The following CUX2 variants were observed in gnomAD, a reference collection of about 807,000 sequenced individuals.
CUX2 encodes the protein homeobox protein cut-like 2.
In CUX2, 40 loss-of-function variants were observed where a neutral mutation model predicts 144.8. The ratio of observed to expected loss-of-function variants is 0.28; its 90% CI spans 0.21 to 0.36. The LOEUF (loss-of-function observed/expected upper bound fraction) is 0.36, where lower values mean the gene tolerates loss of function less well. Among genes scored for constraint, CUX2 ranks in the 10% least tolerant of loss-of-function variants. The probability of loss-of-function intolerance (pLI) is 1.00; values close to 1 mark genes in which losing one functional copy is unlikely to be tolerated. For missense variants in CUX2, 1,615 were observed against 1,994.0 expected (o/e 0.81, Z 3.62); for synonymous variants, 827 against 875.6 (o/e 0.94, Z 0.98).
chr12:111,232,880 C>A (rs906395197), intron 3 of CUX2, among the ~76,000 whole-genome samples: 3 of 152,212 alleles, frequency 2.0e-5, no homozygotes, highest in Non-Finnish European at 4.4e-5. Flanking sequence ...AAAGACGAGT[C>A]CCTCACAGAG....
At chr12:111,212,930 T>C (rs1881310057) in intron 1 of CUX2, among the ~76,000 whole-genome samples, 1 of 152,234 alleles carries the variant, frequency 6.6e-6, no homozygotes, top group African/African-American at 2.4e-5. Flanking sequence ...AATAGTACTT[T>C]TATTTCATTA....
intron 1 of CUX2, among the ~76,000 whole-genome samples, chr12:111,189,963 G>A (rs1879780517): frequency 6.6e-6 from 1 of 152,176 alleles, no homozygotes; most frequent in Non-Finnish European, 1.5e-5. Context: ...TGAGGTTCCA[G>A]TTGATCCACA....
chr12:111,258,905 A>C (rs1319019379), intron 3 of CUX2, among the ~76,000 whole-genome samples: 1 of 152,094 alleles, frequency 6.6e-6, no homozygotes, highest in Admixed American at 6.6e-5. Flanking sequence ...TCTGTTGTCC[A>C]GGCTAGAGTG....
chr12:111,103,697 A>G (rs1437551758), intron 1 of CUX2, among the ~76,000 whole-genome samples: 1 of 152,226 alleles, frequency 6.6e-6, no homozygotes, highest in Non-Finnish European at 1.5e-5. Context: ...TCTATCTGAG[A>G]GAAACTTATC....
chr12:111,332,806 G>T (rs1035558627), intron 18 of CUX2, among the ~76,000 whole-genome samples: 2 of 152,132 alleles, frequency 1.3e-5, no homozygotes, highest in African/African-American at 4.8e-5. Flanking sequence ...CCAAAAACAA[G>T]AAATTTTACA....
In CUX2 at chr12:111,322,915, A is replaced by G. The variant is rs1170251768; in HGVS notation, c.2926+335A>G. Among the ~76,000 whole-genome samples the G allele has an allele frequency of 6.6e-6, 1 of 152,216 alleles. No homozygotes were observed. Among genetic ancestry groups the G allele is most frequent in the African/African-American group, 2.4e-5 (1 of 41,466 alleles). On this transcript the variant is annotated intron_variant, in intron 18 of 21. Transcript: ENST00000261726. The surrounding 1 kb of genome is among the most constrained non-coding windows in gnomAD (Gnocchi z 4.2). Reference sequence around the variant, plus strand: ...TGGAGTCCCACATCTGGAATTGCTCATCGATCTCAGCTCTGTTTCCTGAAG... The same window carrying G: ...TGGAGTCCCACATCTGGAATTGCTCGTCGATCTCAGCTCTGTTTCCTGAAG...
At chr12:111,302,860 A>G (rs1490250020) in intron 9 of CUX2, among the ~76,000 whole-genome samples, 1 of 147,922 alleles carries the variant, frequency 6.8e-6, no homozygotes, top group Non-Finnish European at 1.5e-5. Flanking sequence ...AGATTGTGCC[A>G]CTGCACTCCA....
intron 1 of CUX2, among the ~76,000 whole-genome samples, chr12:111,170,040 A>C (rs1435512392): frequency 6.6e-6 from 1 of 152,220 alleles, no homozygotes; most frequent in Non-Finnish European, 1.5e-5. Context: ...GAAGAATTTA[A>C]GGAAACTGCC....
intron 1 of CUX2, among the ~76,000 whole-genome samples, chr12:111,197,196 C>T (rs1208484783): frequency 6.6e-6 from 1 of 152,166 alleles, no homozygotes; most frequent in East Asian, 1.9e-4. Context: ...ATATCTCTCT[C>T]GAAGGACTGC....
chr12:111,199,406 A>T (rs1156881680), intron 1 of CUX2, among the ~76,000 whole-genome samples: 6 of 152,186 alleles, frequency 3.9e-5, no homozygotes, highest in Non-Finnish European at 8.8e-5. Flanking sequence ...ATGCCCACAA[A>T]CATTATCCCC....
At chr12:111,259,693 G>A (rs537938282) in intron 3 of CUX2, among the ~76,000 whole-genome samples, 9 of 150,006 alleles carry the variant, frequency 6.0e-5, no homozygotes, top group South Asian at 2.1e-4. Flanking sequence ...TTGAAACCCC[G>A]TCTCTACTAA....
rs142469747 is a variant in CUX2, at chr12:111,156,791, A to G, written c.64-57409A>G. 1.0e-2 allele frequency among the ~76,000 whole-genome samples: 1,516 copies of G among 152,196 alleles called. 22 individuals carry two copies. Among genetic ancestry groups the G allele is most frequent in the African/African-American group, 0.035 (1,442 of 41,512 alleles). ...TCAGGAGTTCCAGACCAGCCTGACC[A>G]AAATGGTGAGACCCCATCTCTACTA... is the stretch of plus-strand genomic sequence containing the variant. On this transcript the variant is annotated intron_variant, in intron 1 of 21. Coordinates refer to ENST00000261726, the MANE Select transcript of CUX2 (RefSeq NM_015267.4).
chr12:111,155,164 C>T (rs1000729539), intron 1 of CUX2, among the ~76,000 whole-genome samples: 8 of 152,180 alleles, frequency 5.3e-5, no homozygotes, highest in African/African-American at 1.9e-4. Context: ...GACAACCTGG[C>T]CTGGCATCCC....
chr12:111,253,975 C>A (rs1009323886), intron 3 of CUX2, among the ~76,000 whole-genome samples: 1 of 152,116 alleles, frequency 6.6e-6, no homozygotes, highest in African/African-American at 2.4e-5. Flanking sequence ...GGCGATCCAC[C>A]AGCCTCAGCC....
rs533328998 is a variant in CUX2, at chr12:111,207,734, C to CTAT, written c.64-6464_64-6462dup. ...ACTCTCAATAAATGTTAACTATGAG[C>CTAT]TATTGTTTCCTATAAGGAACTTCTG... On this transcript the variant is annotated intron_variant, in intron 1 of 21. Transcript: ENST00000261726. 3.4e-3 allele frequency among the ~76,000 whole-genome samples: 522 copies of CTAT among 152,180 alleles called. 2 individuals carry two copies. The highest frequency in any genetic ancestry group is 0.011 in the South Asian group (53 of 4,818).
At chr12:111,316,893 C>G (rs1202246093) in intron 16 of CUX2, among the ~76,000 whole-genome samples, 2 of 152,180 alleles carry the variant, frequency 1.3e-5, no homozygotes, top group Non-Finnish European at 2.9e-5. Flanking sequence ...CCTTTCCACT[C>G]TCCCCCCAGC....
chr12:111,315,712 C>T (rs561033466), intron 16 of CUX2, among the ~76,000 whole-genome samples: 2 of 151,952 alleles, frequency 1.3e-5, no homozygotes, highest in East Asian at 1.9e-4. Flanking sequence ...GAGCAAGACT[C>T]GGTCTCAAAA....
At position 111,182,098 on chromosome 12, in the gene CUX2, TCAGGG is replaced by T. The variant is rs1879219373; in HGVS notation, c.64-32096_64-32092del. 2.6e-5 allele frequency among the ~76,000 whole-genome samples: 4 copies of T among 152,222 alleles called. No homozygotes were observed. In the South Asian group the frequency reaches 8.3e-4, roughly 32 times the overall value. ...AGGGAAGACTTGATGCAAAGATGTT[TCAGGG>T]CAGGGTCGGGGGATAAAAATCAATC... On this transcript the variant is annotated intron_variant, in intron 1 of 21. Transcript: ENST00000261726.
rs1592995565 is a variant in CUX2 at position 111,347,940 on chromosome 12, C to T, written c.4076C>T (p.Pro1359Leu). 3.7e-6 allele frequency: 6 copies of T among 1,614,018 alleles called. No individual in the cohort carries two copies. The East Asian group carries it at 1.3e-4, about 36-fold the overall frequency. ...LLPGGSTPDC[P>L]SLHPQQESEA... ...CCAGGTGGATCCACCCCAGACTGTC[C>T]CTCACTTCATCCCCAACAGGAGAGT... The change falls in exon 22 of 22, where the codon CCC (proline) becomes CTC (leucine). Residue 1359 changes from proline to leucine, a missense_variant. By Grantham distance (98) the Pro-to-Leu change is moderately conservative. This residue lies in a region of CUX2 where 298 missense variants were observed against 330.4 expected (regional missense o/e 0.90). Transcript: ENST00000261726.
Sources: gnomAD v4.1 joint callset for allele counts (sites outside exome capture counted in the v4.1 genomes callset) on GRCh38, gnomAD v4.1.1 for gene constraint, gnomAD v4.1.1 regional missense constraint, Gnocchi (gnomAD v3.1) non-coding constraint, MANE v1.5 for transcripts, NCBI Gene and HGNC (gene_info 2026-07-23, HGNC 2026-07-21) for gene names.